The following TET3 variants were observed in gnomAD, a reference collection of about 807,000 sequenced individuals.
TET3 encodes the protein methylcytosine dioxygenase TET3.
A neutral mutation model predicts 141.4 loss-of-function variants in TET3; 19 were observed. The ratio of observed to expected loss-of-function variants is 0.13; its 90% CI spans 0.09 to 0.20. The LOEUF (loss-of-function observed/expected upper bound fraction) is 0.20. Ranked by LOEUF, TET3 falls within the 10% of genes least tolerant of loss-of-function variation. The probability of loss-of-function intolerance (pLI) is 1.00; values close to 1 mark genes in which losing one functional copy is unlikely to be tolerated. For missense variants in TET3, 1,874 were observed against 2,356.9 expected (o/e 0.80, Z 4.24); for synonymous variants, 1,043 against 980.9 (o/e 1.06, Z -1.18).
rs1572910499 is a variant in TET3 at position 74,103,195 on chromosome 2, G to GCT, written c.*1020_*1021dup. On this transcript the variant is annotated 3_prime_UTR_variant, in exon 12 of 12. Transcript: ENST00000409262. ...AAGTCTATGCTGATACTGAAAAAGG[G>GCT]CTACTGTATCTTTAAAAACAGGAAG... The GCT allele has an allele frequency of 1.3e-5, 2 of 152,416 alleles. No homozygotes were observed. Among genetic ancestry groups the GCT allele is most frequent in the East Asian group, 3.9e-4 (2 of 5,188 alleles). The allele number at this position is 152,416 out of a possible 1,614,324, so 9.4% of individuals were successfully genotyped here. A position where few individuals can be genotyped will look rare whatever the true frequency, so the allele number is the denominator to read the frequency against.
At chr2:74,115,477 T>C in the TET3 span, among the ~76,000 whole-genome samples, 1 of 152,200 alleles carries the variant, frequency 6.6e-6, no homozygotes, top group African/African-American at 2.4e-5. Flanking sequence ...CAATGTAGAC[T>C]ATTCGGGTGA....
intron 4 of TET3, among the ~76,000 whole-genome samples, chr2:74,069,769 ATTTG>A (rs1213889620): frequency 6.6e-6 from 1 of 151,710 alleles, no homozygotes; most frequent in African/African-American, 2.4e-5. Flanking sequence ...TATTGTTGTT[ATTTG>A]TTTGTTTGTA....
chr2:73,985,037 G>C lies in TET3; in HGVS notation c.-545G>C, dbSNP rs1683927165. On this transcript the variant is annotated 5_prime_UTR_variant, in exon 1 of 12. Coordinates refer to ENST00000409262, the MANE Select transcript of TET3 (RefSeq NM_001287491.2). Reference sequence around the variant, plus strand: ...CCGCGCGCTGAGCTCGGTCGGGCCGGGCGCTCCGGGAGGCGGGAGCCCCAG... The same window carrying C: ...CCGCGCGCTGAGCTCGGTCGGGCCGCGCGCTCCGGGAGGCGGGAGCCCCAG... 1 of 146,640 alleles carries C rather than the reference G, an allele frequency of 6.8e-6. No homozygotes were observed. The highest frequency in any genetic ancestry group is 1.8e-4 in the South Asian group (1 of 5,636). 9.1% of individuals were successfully genotyped at this position (146,640 alleles called of 1,614,324 possible).
intron 4 of TET3, among the ~76,000 whole-genome samples, chr2:74,071,685 T>C (rs1368007625): frequency 4.6e-5 from 7 of 152,222 alleles, no homozygotes; most frequent in African/African-American, 1.7e-4. Flanking sequence ...TAGGACCCAA[T>C]GTAGGTTACT....
At chr2:74,098,421 A>C (rs1309562994) in intron 10 of TET3, among the ~76,000 whole-genome samples, 5 of 152,202 alleles carry the variant, frequency 3.3e-5, no homozygotes, top group African/African-American at 1.2e-4. Context: ...GACCATATGC[A>C]TAATACCCCC....
intron 2 of TET3, among the ~76,000 whole-genome samples, chr2:73,999,272 A>AT (rs1253755671): frequency 6.6e-6 from 1 of 152,012 alleles, no homozygotes; most frequent in Non-Finnish European, 1.5e-5. Flanking sequence ...CTGTGCATTC[A>AT]TTTTCTGGCT....
chr2:74,117,086 G>A, the TET3 span, among the ~76,000 whole-genome samples: 1 of 152,162 alleles, frequency 6.6e-6, no homozygotes, highest in Non-Finnish European at 1.5e-5. Context: ...AGAAGAGGTG[G>A]TAAGAAGGGG....
intron 4 of TET3, among the ~76,000 whole-genome samples, chr2:74,053,101 T>A (rs534041127): frequency 3.9e-5 from 6 of 152,334 alleles, no homozygotes; most frequent in Admixed American, 3.9e-4. Context: ...AGTAAACTTA[T>A]AAGCTATGAA....
At chr2:74,131,159 T>C in the TET3 span, among the ~76,000 whole-genome samples, 35,597 of 152,026 alleles carry the variant, frequency 0.23, 4,645 homozygotes, top group East Asian at 0.39. Flanking sequence ...TTGTAATTAT[T>C]CCAGGTGGTT....
chr2:74,026,225 A>C (rs1378468929), intron 3 of TET3, among the ~76,000 whole-genome samples: 2 of 145,148 alleles, frequency 1.4e-5, no homozygotes, highest in African/African-American at 5.0e-5. Flanking sequence ...AGGGACTTTG[A>C]CACTGGTCTG....
At chr2:74,022,043 A>T (rs1285003981) in intron 3 of TET3, among the ~76,000 whole-genome samples, 4 of 144,054 alleles carry the variant, frequency 2.8e-5, no homozygotes, top group Non-Finnish European at 6.0e-5. Context: ...AAAGTCCATA[A>T]TTTTTCTACT....
At position 73,986,277 on chromosome 2, in the gene TET3, C is replaced by T. The variant is rs1684022197; in HGVS notation, c.-127C>T. ...AGGCATCCATCCACGAGACTGAAGC[C>T]ACTTGCCTTCACCCTTGTAGACTCT... is the stretch of plus-strand genomic sequence containing the variant. On this transcript the variant is annotated 5_prime_UTR_variant, in exon 2 of 12. Coordinates refer to ENST00000409262, the MANE Select transcript of TET3 (RefSeq NM_001287491.2). The T allele has an allele frequency of 4.6e-5, 39 of 841,054 alleles. No individual in the cohort carries two copies. The highest frequency in any genetic ancestry group is 5.7e-5 in the Non-Finnish European group (36 of 631,950). 52.1% of individuals were successfully genotyped at this position (841,054 alleles called of 1,614,324 possible).
chr2:73,999,604 T>C (rs926290735), intron 2 of TET3, among the ~76,000 whole-genome samples: 5 of 151,286 alleles, frequency 3.3e-5, no homozygotes, highest in African/African-American at 4.9e-5. Context: ...ACCTCTCCAG[T>C]GGGGAGGGCT....
chr2:74,056,686 A>C (rs924302298), intron 4 of TET3, among the ~76,000 whole-genome samples: 3 of 152,184 alleles, frequency 2.0e-5, no homozygotes, highest in African/African-American at 7.2e-5. Context: ...GGGGACTACA[A>C]GGTAAAATAG....
chr2:74,084,402 A>T (rs895339699), intron 6 of TET3, among the ~76,000 whole-genome samples: 2 of 151,894 alleles, frequency 1.3e-5, no homozygotes, highest in African/African-American at 2.4e-5. Flanking sequence ...CCAAGCGGGC[A>T]GCTCACCTGA....
rs764597295 is a variant in TET3, at chr2:74,101,270, C to T, written c.4482C>T (p.Pro1494=). 6.1e-5 allele frequency: 98 copies of T among 1,612,198 alleles called. No individual in the cohort carries two copies. Among genetic ancestry groups the T allele is most frequent in the Middle Eastern group, 1.6e-4 (1 of 6,080 alleles). The part of the protein sequence containing the change: ...HFTDGQWGLF[P]GEGQQAASHS... ...CAGATGGCCAGTGGGGGCTGTTCCC[C>T]GGTGAGGGGCAGCAGGCAGCTTCCC... Residue 1494 remains proline, a synonymous_variant, in exon 12 of 12, where the codon CCC becomes CCT. Coordinates refer to ENST00000409262, the MANE Select transcript of TET3 (RefSeq NM_001287491.2). This position sits in a 1 kb window ranked among gnomAD's most constrained non-coding sequence, Gnocchi z 8.5.
chr2:74,061,834 A>G, intron 4 of TET3, among the ~76,000 whole-genome samples: 1 of 138,464 alleles, frequency 7.2e-6, no homozygotes, highest in South Asian at 2.2e-4. Context: ...GCGGCCGGGC[A>G]GAGACGCTCC....
chr2:74,022,471 G>A (rs535986921), intron 3 of TET3, among the ~76,000 whole-genome samples: 39 of 148,792 alleles, frequency 2.6e-4, no homozygotes, highest in African/African-American at 8.6e-4. Flanking sequence ...CTGTTGCCCC[G>A]GCTGGAGGGT....
rs529610607 is a variant in TET3 at position 74,095,238 on chromosome 2, CATCCA to C, written c.3267+1574_3267+1578del. Among the ~76,000 whole-genome samples the C allele has an allele frequency of 8.9e-4, 135 of 152,296 alleles. 1 individual carries two copies. Among genetic ancestry groups the C allele is most frequent in the African/African-American group, 3.0e-3 (123 of 41,560 alleles). On this transcript the variant is annotated intron_variant, in intron 10 of 11. Transcript: ENST00000409262. ...TTTCTCCACTTGTTTTCTATCACTG[CATCCA>C]AGACTGAGAAGCAAGAAGGGGCAGC...
Sources: allele counts gnomAD v4.1 joint callset (sites outside exome capture counted in the v4.1 genomes callset), GRCh38; gene constraint gnomAD v4.1.1; non-coding constraint Gnocchi (gnomAD v3.1); transcripts MANE v1.5; gene names NCBI Gene and HGNC (gene_info 2026-07-23, HGNC 2026-07-21).